SLC44A5: variants seen among roughly 807,000 people sequenced by gnomAD.
SLC44A5 encodes the protein solute carrier family 44 member 5, also known as choline transporter-like protein 5.
Under a neutral mutation model 101.8 loss-of-function variants are expected in SLC44A5, and 57 were observed. The observed-to-expected ratio is 0.56, with a 90% CI of 0.45 to 0.70. SLC44A5 has a LOEUF of 0.70. SLC44A5 is among the 30% of genes least tolerant of loss of function. The pLI, the probability that SLC44A5 is intolerant of heterozygous loss-of-function variation, is 0.00. For synonymous variants in SLC44A5, 281 were observed against 290.9 expected (o/e 0.97, Z 0.35); for missense variants, 737 against 853.1 (o/e 0.86, Z 1.70).
At chr1:75,520,528 T>C (rs755886372) in intron 2 of SLC44A5, among the ~76,000 whole-genome samples, 6 of 151,656 alleles carry the variant, frequency 4.0e-5, no homozygotes, top group Non-Finnish European at 8.8e-5. Context: ...ACAGTAGATA[T>C]AGATGAAAGA....
At chr1:75,722,793 C>T in the SLC44A5 span, among the ~76,000 whole-genome samples, 1 of 152,184 alleles carries the variant, frequency 6.6e-6, no homozygotes, top group East Asian at 1.9e-4. Context: ...ATGATGGTCT[C>T]AAGCAGTAAC....
chr1:75,599,876 C>T (rs1242436267), intron 1 of SLC44A5, among the ~76,000 whole-genome samples: 1 of 152,076 alleles, frequency 6.6e-6, no homozygotes, highest in Non-Finnish European at 1.5e-5. Flanking sequence ...AGATTCTAGA[C>T]TTGGATGGTT....
At chr1:75,559,766 G>A (rs1243033281) in intron 1 of SLC44A5, among the ~76,000 whole-genome samples, 1 of 152,026 alleles carries the variant, frequency 6.6e-6, no homozygotes, top group Non-Finnish European at 1.5e-5. Flanking sequence ...TAGAATGTGA[G>A]AAAATACTTG....
chr1:75,654,056 A>C, the SLC44A5 span, among the ~76,000 whole-genome samples: 1 of 152,206 alleles, frequency 6.6e-6, no homozygotes, highest in Non-Finnish European at 1.5e-5. Flanking sequence ...AGGTGCCTAA[A>C]TTGAAAACCT....
chr1:75,543,594 AAT>A (rs66888418), intron 1 of SLC44A5, among the ~76,000 whole-genome samples: 60,757 of 145,386 alleles, frequency 0.42, 13,029 homozygotes, highest in Non-Finnish European at 0.46. Context: ...TATATAAATA[AAT>A]ATATATATAT....
chr1:75,658,919 A>G, the SLC44A5 span, among the ~76,000 whole-genome samples: 1 of 152,092 alleles, frequency 6.6e-6, no homozygotes, highest in Non-Finnish European at 1.5e-5. Context: ...TCAAAGAAAT[A>G]AAATCAGAAA....
At chr1:75,618,045 T>C in the SLC44A5 span, among the ~76,000 whole-genome samples, 20 of 152,334 alleles carry the variant, frequency 1.3e-4, no homozygotes, top group African/African-American at 4.8e-4. Flanking sequence ...AGCTTCGGTG[T>C]AACTCTTTTA....
chr1:75,243,224 C>T (rs1021261987), intron 7 of SLC44A5, among the ~76,000 whole-genome samples: 2 of 151,956 alleles, frequency 1.3e-5, no homozygotes, highest in Non-Finnish European at 2.9e-5. Context: ...GCAGCCTCAA[C>T]CTTTCTGGGC....
intron 2 of SLC44A5, among the ~76,000 whole-genome samples, chr1:75,494,201 G>A (rs955774503): frequency 6.6e-6 from 1 of 152,148 alleles, no homozygotes; most frequent in African/African-American, 2.4e-5. Context: ...CCAGATGCTA[G>A]TGCCTTTATC....
chr1:75,502,704 C>G (rs1184289362), intron 2 of SLC44A5, among the ~76,000 whole-genome samples: 1 of 135,384 alleles, frequency 7.4e-6, no homozygotes, highest in Non-Finnish European at 1.6e-5. Context: ...TCCCTCCCCC[C>G]TCCCCCTACT....
intron 1 of SLC44A5, among the ~76,000 whole-genome samples, chr1:75,607,762 A>G (rs998668026): frequency 1.3e-5 from 2 of 151,966 alleles, no homozygotes; most frequent in African/African-American, 4.8e-5. Context: ...GCTGCCATGT[A>G]AGATGTGACT....
chr1:75,222,542 T>C (rs1647109981), intron 13 of SLC44A5, 82 bp from the exon 14 acceptor site: 1 of 781,482 alleles, frequency 1.3e-6, no homozygotes, highest in Admixed American at 2.2e-5. Flanking sequence ...AGGATTGAAC[T>C]TTATGATTAT....
the SLC44A5 span, among the ~76,000 whole-genome samples, chr1:75,632,259 C>T: frequency 2.0e-5 from 3 of 152,184 alleles, no homozygotes; most frequent in East Asian, 3.9e-4. Flanking sequence ...CTTTATGGAT[C>T]ATCTTATACT....
chr1:75,595,536 G>C (rs1674584115), intron 1 of SLC44A5, among the ~76,000 whole-genome samples: 1 of 151,996 alleles, frequency 6.6e-6, no homozygotes, highest in Admixed American at 6.6e-5. Context: ...TGATTATCCA[G>C]AAATAGATTC....
intron 2 of SLC44A5, among the ~76,000 whole-genome samples, chr1:75,478,876 G>A (rs960198381): frequency 6.6e-6 from 1 of 152,158 alleles, no homozygotes; most frequent in Non-Finnish European, 1.5e-5. Context: ...CCCAGGAATT[G>A]AACTCAGCTC....
chr1:75,495,978 T>A (rs1303287218), intron 2 of SLC44A5, among the ~76,000 whole-genome samples: 1 of 152,148 alleles, frequency 6.6e-6, no homozygotes, highest in Non-Finnish European at 1.5e-5. Flanking sequence ...TAGTTATTTT[T>A]AAATATACAA....
rs181895017 is a variant in SLC44A5 at position 75,293,753 on chromosome 1, A to G, written c.175+6859T>C. 3.4e-4 allele frequency among the ~76,000 whole-genome samples: 52 copies of G among 152,316 alleles called. No individual in the cohort carries two copies. In the East Asian group the frequency reaches 8.9e-3, roughly 26 times the overall value. On this transcript the variant is annotated intron_variant, in intron 5 of 23. Transcript: ENST00000370859. ...TGGTGAGTTTAGGGTCATGTCCTTG[A>G]GCACAAATCAATCCCTCTCATGATA...
chr1:75,550,299 G>T (rs1225991970), intron 1 of SLC44A5, among the ~76,000 whole-genome samples: 1 of 152,058 alleles, frequency 6.6e-6, no homozygotes, highest in Non-Finnish European at 1.5e-5. Context: ...GACACAAAAA[G>T]CCAGAAATAC....
At chr1:75,506,541 T>G (rs1306667907) in intron 2 of SLC44A5, among the ~76,000 whole-genome samples, 1 of 152,190 alleles carries the variant, frequency 6.6e-6, no homozygotes, top group Non-Finnish European at 1.5e-5. Flanking sequence ...TCGTAGTTCT[T>G]GGAGAGCTCC....
Sources: gnomAD v4.1 joint callset for allele counts (sites outside exome capture counted in the v4.1 genomes callset) on GRCh38, gnomAD v4.1.1 for gene constraint, MANE v1.5 for transcripts, NCBI Gene and HGNC (gene_info 2026-07-23, HGNC 2026-07-21) for gene names.